IL1RAPL1: variants seen among roughly 807,000 people sequenced by gnomAD.
IL1RAPL1 encodes interleukin 1 receptor accessory protein like 1.
Under a neutral mutation model 48.4 loss-of-function variants are expected in IL1RAPL1, and 3 were observed. The observed-to-expected ratio is 0.06, with a 90% confidence interval of 0.03 to 0.16. IL1RAPL1 has a LOEUF of 0.16. IL1RAPL1 is among the 10% of genes least tolerant of loss of function. The pLI, the probability that IL1RAPL1 is intolerant of heterozygous loss-of-function variation, is 1.00. For synonymous variants in IL1RAPL1, 185 were observed against 187.7 expected (o/e 0.99, Z 0.12); for missense variants, 349 against 530.6 (o/e 0.66, Z 3.36).
At chrX:29,918,144 A>AAAAAAAAAATATATATATAT (rs1555935868) in intron 7 of IL1RAPL1, among the ~76,000 whole-genome samples, 3 of 23,761 alleles carry the variant, frequency 1.3e-4, no homozygotes, top group Non-Finnish European at 2.0e-4. Flanking sequence ...AAAAAAAAAA[A>AAAAAAAAAATATATATATAT]ATATATATAT....
At chrX:29,189,734 A>G (rs1187981212) in intron 2 of IL1RAPL1, among the ~76,000 whole-genome samples, 1 of 111,843 alleles carries the variant, frequency 8.9e-6, no homozygotes, top group African/African-American at 3.2e-5. Context: ...TACTTGAATC[A>G]TTCAAAAGTT....
At chrX:29,260,323 A>G (rs1271254635) in intron 2 of IL1RAPL1, among the ~76,000 whole-genome samples, 2 of 112,353 alleles carry the variant, frequency 1.8e-5, no homozygotes, top group Non-Finnish European at 3.8e-5. Flanking sequence ...TACCCAAGAC[A>G]GAGTAATTTA....
intron 2 of IL1RAPL1, among the ~76,000 whole-genome samples, chrX:28,923,645 T>G (rs1923669698): frequency 9.0e-6 from 1 of 111,440 alleles, no homozygotes; most frequent in South Asian, 3.7e-4. Flanking sequence ...TGGGTGGGTA[T>G]GTAATAAAGC....
At chrX:29,009,842 G>C (rs183141976) in intron 2 of IL1RAPL1, among the ~76,000 whole-genome samples, 1 of 111,628 alleles carries the variant, frequency 9.0e-6, no homozygotes, top group Admixed American at 9.5e-5. Context: ...ACATTGCTTT[G>C]GGCAGTATGG....
At chrX:28,737,169 C>T (rs1445173972) in intron 1 of IL1RAPL1, among the ~76,000 whole-genome samples, 44 of 66,737 alleles carry the variant, frequency 6.6e-4, no homozygotes, top group African/African-American at 2.2e-3. Flanking sequence ...TTCCTTCCTT[C>T]CTTCCTTCCT....
intron 1 of IL1RAPL1, among the ~76,000 whole-genome samples, chrX:28,753,020 A>T (rs144112413): frequency 2.7e-5 from 3 of 112,228 alleles, no homozygotes; most frequent in Non-Finnish European, 5.6e-5. Flanking sequence ...AAGTCTGTAG[A>T]CTATAGGTAG....
At chrX:29,258,267 TA>T (rs1931789789) in intron 2 of IL1RAPL1, among the ~76,000 whole-genome samples, 1 of 111,338 alleles carries the variant, frequency 9.0e-6, no homozygotes, top group African/African-American at 3.3e-5. Flanking sequence ...TATACAAATA[TA>T]ACATATCGAA....
chrX:29,552,971 T>G (rs1044345832), intron 5 of IL1RAPL1, among the ~76,000 whole-genome samples: 1 of 109,952 alleles, frequency 9.1e-6, no homozygotes, highest in African/African-American at 3.3e-5. Context: ...TGAGTCTTTC[T>G]TAGAGCCTCT....
intron 5 of IL1RAPL1, among the ~76,000 whole-genome samples, chrX:29,608,135 C>A (rs1315649612): frequency 1.8e-5 from 2 of 112,054 alleles, no homozygotes; most frequent in East Asian, 5.6e-4. Context: ...AAGATGTCCC[C>A]TCTTTCCACA....
At chrX:29,110,608 G>T (rs1440386584) in intron 2 of IL1RAPL1, among the ~76,000 whole-genome samples, 1 of 111,666 alleles carries the variant, frequency 9.0e-6, no homozygotes, top group Non-Finnish European at 1.9e-5. Context: ...TTAATATTGC[G>T]AAAATTGTAA....
chrX:29,261,559 G>T (rs185259442), intron 2 of IL1RAPL1, among the ~76,000 whole-genome samples: 40 of 110,469 alleles, frequency 3.6e-4, no homozygotes, highest in Admixed American at 3.3e-3. Context: ...GCCGTTATAC[G>T]CTATCATGTT....
chrX:28,589,343 A>T (rs1347696703), intron 1 of IL1RAPL1, among the ~76,000 whole-genome samples: 2 of 111,630 alleles, frequency 1.8e-5, no homozygotes, highest in African/African-American at 6.5e-5. Flanking sequence ...TTAACTTTTG[A>T]AGGCTTGTAA....
intron 2 of IL1RAPL1, among the ~76,000 whole-genome samples, chrX:29,154,688 A>G (rs763706221): frequency 1.8e-5 from 2 of 112,087 alleles, no homozygotes; most frequent in African/African-American, 6.5e-5. Context: ...GTGATTGTAA[A>G]ATGATTAAGC....
intron 5 of IL1RAPL1, among the ~76,000 whole-genome samples, chrX:29,608,685 G>C (rs966344554): frequency 3.0e-5 from 3 of 99,830 alleles, no homozygotes; most frequent in Non-Finnish European, 6.0e-5. Context: ...AATTAGCCGG[G>C]CGTGGTGGCG....
intron 6 of IL1RAPL1, among the ~76,000 whole-genome samples, chrX:29,837,025 C>T (rs936258622): frequency 3.7e-5 from 4 of 108,234 alleles, no homozygotes; most frequent in Non-Finnish European, 3.8e-5. Flanking sequence ...TTTGGGAGGC[C>T]GAGGCAGGCA....
chrX:29,886,236 T>C (rs1932163606), intron 6 of IL1RAPL1, among the ~76,000 whole-genome samples: 1 of 112,537 alleles, frequency 8.9e-6, no homozygotes, highest in Non-Finnish European at 1.9e-5. Flanking sequence ...GCGTTTTACA[T>C]TTTTCTCCAA....
chrX:28,722,533 G>A (rs1209744035), intron 1 of IL1RAPL1, among the ~76,000 whole-genome samples: 1 of 111,307 alleles, frequency 9.0e-6, no homozygotes, highest in African/African-American at 3.3e-5. Context: ...CATGTCATCT[G>A]CAAACAGGGA....
intron 2 of IL1RAPL1, among the ~76,000 whole-genome samples, chrX:28,931,370 C>A (rs1038622758): frequency 2.7e-5 from 3 of 112,106 alleles, no homozygotes; most frequent in African/African-American, 9.7e-5. Flanking sequence ...TTAAGTACTT[C>A]TCTTTACAGA....
At chrX:29,298,851 AG>A (rs760058223) in intron 3 of IL1RAPL1, among the ~76,000 whole-genome samples, 3 of 111,557 alleles carry the variant, frequency 2.7e-5, no homozygotes, top group Non-Finnish European at 5.6e-5. Context: ...GATAAAACTC[AG>A]GAACACACTT....
Sources: gnomAD v4.1 joint callset for allele counts (sites outside exome capture counted in the v4.1 genomes callset) on GRCh38, gnomAD v4.1.1 for gene constraint, MANE v1.5 for transcripts, NCBI Gene and HGNC (gene_info 2026-07-23, HGNC 2026-07-21) for gene names.